Variants in SYNE1 observed in about 807,000 individuals in gnomAD.
The protein encoded by SYNE1 is spectrin repeat containing nuclear envelope protein 1.
Under a neutral mutation model 1,111.0 loss-of-function variants are expected in SYNE1, and 616 were observed. That is an observed-to-expected ratio of 0.55 (90% CI 0.52 to 0.59). The LOEUF (loss-of-function observed/expected upper bound fraction) is 0.59. Among genes scored for constraint, SYNE1 ranks in the 20% least tolerant of loss-of-function variants. The pLI, the probability that SYNE1 is intolerant of heterozygous loss-of-function variation, is 0.00. For synonymous variants in SYNE1, 3,855 were observed against 3,825.8 expected, an observed-to-expected ratio of 1.01 and a Z score of -0.28; for missense variants, 10,006 against 10,417.0, an observed-to-expected ratio of 0.96 and a Z score of 1.72.
chr6:152,417,928 GTA>G (rs1412273961), intron 40 of SYNE1, among the ~76,000 whole-genome samples: 2 of 151,988 alleles, frequency 1.3e-5, no homozygotes, highest in African/African-American at 4.8e-5. Context: ...AATCCGAGTT[GTA>G]TTTTATGCAA....
At position 152,365,009 on chromosome 6, in the gene SYNE1, G is replaced by A. The variant is rs2097041308; in HGVS notation, c.9983C>T (p.Ser3328Leu). 5 of 1,614,070 alleles carry A rather than the reference G, an allele frequency of 3.1e-6. No individual in the cohort carries two copies. Among genetic ancestry groups the A allele is most frequent in the Non-Finnish European group, 4.2e-6 (5 of 1,180,044 alleles). The stretch of plus-strand genomic sequence containing the variant: ...CTGAATCTCTTTTTCCTGTTTGACT[G>A]ATAATAGAGCCTGTGAAAACACATA... ...SRTLKLEALL[S>L]VKQEKEIQMK... Residue 3328 changes from serine (S) to leucine (L), a missense_variant, in exon 63 of 146, where the codon TCA becomes TTA. Physicochemically the swap from Ser to Leu is moderately radical, Grantham distance 145. Transcript: ENST00000367255.
intron 98 of SYNE1, among the ~76,000 whole-genome samples, chr6:152,275,658 T>C (rs771728765): frequency 2.6e-5 from 4 of 151,994 alleles, no homozygotes; most frequent in Admixed American, 6.6e-5. Flanking sequence ...GGTGGGTGGA[T>C]TGCCTGTGCT....
chr6:152,328,766 A>G (rs1473845616), intron 78 of SYNE1, among the ~76,000 whole-genome samples: 1 of 152,200 alleles, frequency 6.6e-6, no homozygotes, highest in Non-Finnish European at 1.5e-5. Flanking sequence ...AGCTGCAATT[A>G]GGCCAATCTG....
In SYNE1 at chr6:152,427,487, A is replaced by C. The variant is rs972648990; in HGVS notation, c.5100+206T>G. 1.6e-5 allele frequency: 10 copies of C among 627,716 alleles called. No homozygotes were observed. In the African/African-American group the frequency reaches 1.7e-4, roughly 10 times the overall value. The allele number at this position is 627,716 out of a possible 1,614,324, so 38.9% of individuals were successfully genotyped here. ...TAACACATCATGGAAATTGATCATC[A>C]CAAAGTTCTCATTGTTAGTTTCTCT... is the stretch of plus-strand genomic sequence containing the variant. On this transcript the variant is annotated intron_variant, in intron 38 of 145. Coordinates refer to ENST00000367255, the MANE Select transcript of SYNE1 (RefSeq NM_182961.4).
At chr6:152,275,295 T>G (rs1026332553) in intron 98 of SYNE1, among the ~76,000 whole-genome samples, 2 of 151,874 alleles carry the variant, frequency 1.3e-5, no homozygotes, top group Non-Finnish European at 2.9e-5. Context: ...AAAAAAAAAA[T>G]CATACATTGA....
rs1563947354 is a variant in SYNE1 at position 152,428,300 on chromosome 6, C to G, written c.4881G>C (p.Gln1627His). 1 of 1,614,194 alleles carries G rather than the reference C, an allele frequency of 6.2e-7. No homozygotes were observed. Among genetic ancestry groups the G allele is most frequent in the Non-Finnish European group, 8.5e-7 (1 of 1,180,036 alleles). ...RKVVNRDSCV[Q>H]EAAALQQQYE... ...ATTGCTGCTGTAGAGCCGCAGCCTCCTGAACACAGGAATCTCTGTTCACAA... is the reference window on the plus strand; with the variant it reads ...ATTGCTGCTGTAGAGCCGCAGCCTCGTGAACACAGGAATCTCTGTTCACAA... The change falls in exon 37 of 146, where the codon CAG becomes CAC. Residue 1627 changes from glutamine to histidine, a missense_variant. Physicochemically the swap from Gln to His is conservative, Grantham distance 24 (BLOSUM62 0). This residue lies in a region of SYNE1 where 1,971 missense variants were observed against 2,084.1 expected (regional missense o/e 0.95). Coordinates refer to ENST00000367255, the MANE Select transcript of SYNE1 (RefSeq NM_182961.4).
At chr6:152,360,744 A>C (rs1317045631) in intron 64 of SYNE1, among the ~76,000 whole-genome samples, 1 of 152,216 alleles carries the variant, frequency 6.6e-6, no homozygotes, top group Non-Finnish European at 1.5e-5. Context: ...ATTATAACAG[A>C]TAATACATGC....
chr6:152,382,326 C>A (rs2097433695), intron 55 of SYNE1, among the ~76,000 whole-genome samples: 1 of 151,896 alleles, frequency 6.6e-6, no homozygotes. Context: ...AATCAATGAC[C>A]AATTAGCAAG....
Position 152,344,179 on chromosome 6 carries a change from C to T in SYNE1, c.12127G>A (p.Asp4043Asn), listed in dbSNP as rs369515853. 2 of 1,614,096 alleles carry T rather than the reference C, an allele frequency of 1.2e-6. No homozygotes were observed. The highest frequency in any genetic ancestry group is 1.7e-6 in the Non-Finnish European group (2 of 1,180,044). Residue 4043 changes from aspartate (D) to asparagine (N), a missense_variant, in exon 74 of 146, where the codon GAC (aspartate) becomes AAC (asparagine). By Grantham distance (23) the Asp-to-Asn change is conservative. Coordinates refer to ENST00000367255, the MANE Select transcript of SYNE1 (RefSeq NM_182961.4). The part of the protein sequence containing the change: ...HELQKHVSRQ[D>N]TLQQCQAWLS... Reference sequence around the variant, plus strand: ...CAGGCCTGGCACTGCTGCAGGGTGTCTTGTCGGCTGACGTGCTTCTGAAGT... The same window carrying T: ...CAGGCCTGGCACTGCTGCAGGGTGTTTTGTCGGCTGACGTGCTTCTGAAGT...
chr6:152,524,117 G>C (rs77392112), intron 5 of SYNE1, among the ~76,000 whole-genome samples: 1 of 152,056 alleles, frequency 6.6e-6, no homozygotes, highest in African/African-American at 2.4e-5. Context: ...GAGCATCCTT[G>C]TCTTGTTCCA....
intron 3 of SYNE1, among the ~76,000 whole-genome samples, chr6:152,591,960 G>T: frequency 6.6e-6 from 1 of 151,836 alleles, no homozygotes; most frequent in East Asian, 1.9e-4. Flanking sequence ...CAAATCAAAA[G>T]CATAATGAGA....
intron 3 of SYNE1, among the ~76,000 whole-genome samples, chr6:152,574,162 G>GTATATATATACACACA (rs1238886256): frequency 7.6e-5 from 11 of 145,430 alleles, no homozygotes; most frequent in Admixed American, 6.3e-4. Flanking sequence ...ACATATATAT[G>GTATATATATACACACA]TATATATATA....
intron 14 of SYNE1, among the ~76,000 whole-genome samples, chr6:152,473,882 C>T (rs1383985757): frequency 6.6e-6 from 1 of 152,150 alleles, no homozygotes; most frequent in Non-Finnish European, 1.5e-5. Context: ...CATTTTCACA[C>T]ATATGATAAA....
At chr6:152,145,435 G>A in intron 137 of SYNE1, 2 of 1,532,148 alleles carry the variant, frequency 1.3e-6, no homozygotes, top group South Asian at 1.1e-5. Flanking sequence ...TAAGAGAGGA[G>A]GATTGCTATA....
chr6:152,122,183 C>T lies in SYNE1; in HGVS notation c.*253G>A. The T allele has an allele frequency of 1.8e-6, 1 of 548,026 alleles. No individual in the cohort carries two copies. The highest frequency in any genetic ancestry group is 3.2e-6 in the Non-Finnish European group (1 of 311,782). 33.9% of individuals were successfully genotyped at this position (548,026 alleles called of 1,614,324 possible). ...GGAACTTTGGAGGTCCTTACTCAAT[C>T]TCCTTAGTGCTAAGGTTCAGAGTCT... On this transcript the variant is annotated 3_prime_UTR_variant, in exon 146 of 146. Coordinates refer to ENST00000367255, the MANE Select transcript of SYNE1 (RefSeq NM_182961.4).
At chr6:152,483,011 G>A (rs1469671567) in intron 14 of SYNE1, 74 bp downstream of exon 14, 1 of 1,553,432 alleles carries the variant, frequency 6.4e-7, no homozygotes, top group Non-Finnish European at 8.9e-7. Flanking sequence ...CGCCAGAGCA[G>A]GTTGTAACTA....
At chr6:152,497,813 T>C (rs1170218292) in intron 11 of SYNE1, among the ~76,000 whole-genome samples, 1 of 152,220 alleles carries the variant, frequency 6.6e-6, no homozygotes, top group Non-Finnish European at 1.5e-5. Flanking sequence ...CTAGGGCTTT[T>C]CTTCAACTGA....
intron 117 of SYNE1, among the ~76,000 whole-genome samples, chr6:152,222,944 A>G (rs2153472716): frequency 6.6e-6 from 1 of 152,336 alleles, no homozygotes; most frequent in Non-Finnish European, 1.5e-5. Context: ...ACCAAGGACC[A>G]GTAAGGGAAC....
intron 3 of SYNE1, among the ~76,000 whole-genome samples, chr6:152,616,973 CCATAATGAT>C (rs890112011): frequency 6.6e-6 from 1 of 152,106 alleles, no homozygotes; most frequent in Non-Finnish European, 1.5e-5. Context: ...TGCCGCCTAT[CCATAATGAT>C]CATGTGGTCA....
Sources: allele counts gnomAD v4.1 joint callset (sites outside exome capture counted in the v4.1 genomes callset), GRCh38; gene constraint gnomAD v4.1.1; regional missense constraint gnomAD v4.1.1; transcripts MANE v1.5; gene names NCBI Gene and HGNC (gene_info 2026-07-23, HGNC 2026-07-21).